Variants in DEPTOR observed in about 807,000 individuals in gnomAD.
DEPTOR encodes the protein DEP domain containing MTOR interacting protein.
A neutral mutation model predicts 41.6 loss-of-function variants in DEPTOR; 41 were observed. The observed-to-expected ratio is 0.98, with a 90% CI of 0.77 to 1.28. DEPTOR has a LOEUF of 1.28. DEPTOR is among the 50% of genes most tolerant of loss of function. DEPTOR has a pLI of 0.00. For missense variants in DEPTOR, 514 were observed against 527.9 expected (o/e 0.97, Z 0.26); for synonymous variants, 195 against 192.3 (o/e 1.01, Z -0.12).
intron 1 of DEPTOR, among the ~76,000 whole-genome samples, chr8:119,921,295 A>G (rs1332686554): frequency 6.6e-6 from 1 of 152,154 alleles, no homozygotes; most frequent in African/African-American, 2.4e-5. Context: ...CATCATTTCT[A>G]TTAGTGTCCT....
chr8:120,013,235 G>A (rs1812559490), intron 8 of DEPTOR, among the ~76,000 whole-genome samples: 2 of 151,674 alleles, frequency 1.3e-5, no homozygotes, highest in South Asian at 4.2e-4. Context: ...ATTATGCAGT[G>A]CATGACTATA....
chr8:120,012,696 C>G (rs1444948407), intron 8 of DEPTOR, among the ~76,000 whole-genome samples: 1 of 152,012 alleles, frequency 6.6e-6, no homozygotes, highest in South Asian at 2.1e-4. Context: ...ACCACCATGC[C>G]CAGCTAATTT....
Position 120,001,607 on chromosome 8 carries a change from G to A in DEPTOR, c.687G>A (p.Glu229=). Reference sequence around the variant, plus strand: ...TCCGGCGGAGGCGAAGACTGATGGAGCTGCTCAATGAAAAGTCCCCCTCCT... The same window carrying A: ...TCCGGCGGAGGCGAAGACTGATGGAACTGCTCAATGAAAAGTCCCCCTCCT... The part of the protein sequence containing the change: ...MNFRRRRRLM[E]LLNEKSPSSQ... Residue 229 remains glutamate (E), a synonymous_variant, in exon 5 of 9, where the codon GAG becomes GAA. Transcript: ENST00000286234. The A allele has an allele frequency of 1.9e-6, 3 of 1,614,042 alleles. No individual in the cohort carries two copies. The highest frequency in any genetic ancestry group is 1.7e-4 in the Middle Eastern group (1 of 6,060).
At chr8:119,983,365 C>T (rs994590874) in intron 4 of DEPTOR, among the ~76,000 whole-genome samples, 11 of 152,000 alleles carry the variant, frequency 7.2e-5, no homozygotes, top group Admixed American at 4.6e-4. Flanking sequence ...TGTAGCACCA[C>T]GCCCAGCTAA....
At chr8:119,877,552 C>G (rs759019991) in intron 1 of DEPTOR, among the ~76,000 whole-genome samples, 2 of 152,214 alleles carry the variant, frequency 1.3e-5, no homozygotes, top group Non-Finnish European at 2.9e-5. Flanking sequence ...CTCAGTTCCC[C>G]TCTGCTTTCT....
chr8:119,898,168 C>A (rs534157110), intron 1 of DEPTOR, among the ~76,000 whole-genome samples: 1 of 152,262 alleles, frequency 6.6e-6, no homozygotes, highest in African/African-American at 2.4e-5. Flanking sequence ...TAAGTAGTTG[C>A]AACAGAAATT....
chr8:119,894,015 C>G (rs192921376), intron 1 of DEPTOR, among the ~76,000 whole-genome samples: 7 of 152,244 alleles, frequency 4.6e-5, no homozygotes, highest in African/African-American at 1.7e-4. Context: ...GAAATCATTG[C>G]AATCTTTATT....
chr8:119,915,945 T>TAAAAAAAAAAAAAAAAAAAAA (rs201870960), intron 1 of DEPTOR, among the ~76,000 whole-genome samples: 1 of 126,654 alleles, frequency 7.9e-6, no homozygotes, highest in Non-Finnish European at 1.6e-5. Flanking sequence ...CTTCATTTGT[T>TAAAAAAAAAAAAAAAAAAAAA]AAAAAAAAAA....
At chr8:120,023,892 CT>C (rs1812759935) in intron 8 of DEPTOR, among the ~76,000 whole-genome samples, 1 of 151,110 alleles carries the variant, frequency 6.6e-6, no homozygotes, top group Admixed American at 6.6e-5. Flanking sequence ...GGTTTGCATT[CT>C]AGCCACCCAG....
At chr8:119,975,871 T>C (rs907601048) in intron 4 of DEPTOR, among the ~76,000 whole-genome samples, 1 of 7,572 alleles carries the variant, frequency 1.3e-4, no homozygotes, top group African/African-American at 5.3e-4. Context: ...TGCTTGCTCC[T>C]TTTTTTTTTT....
intron 8 of DEPTOR, among the ~76,000 whole-genome samples, chr8:120,026,327 G>A (rs1028791760): frequency 2.0e-5 from 3 of 151,324 alleles, no homozygotes; most frequent in Non-Finnish European, 2.9e-5. Flanking sequence ...TTTAAGGGGG[G>A]CAGAGAACTC....
At chr8:119,900,823 G>T (rs1184050156) in intron 1 of DEPTOR, among the ~76,000 whole-genome samples, 2 of 152,024 alleles carry the variant, frequency 1.3e-5, no homozygotes, top group Non-Finnish European at 1.5e-5. Flanking sequence ...ATTTGTATGA[G>T]CTCTAATACC....
intron 3 of DEPTOR, among the ~76,000 whole-genome samples, chr8:119,950,920 A>G (rs1285801616): frequency 6.6e-6 from 1 of 151,996 alleles, no homozygotes; most frequent in South Asian, 2.1e-4. Flanking sequence ...TCTTTTAAAT[A>G]TATTTGGCAT....
At chr8:120,024,193 C>T (rs912702856) in intron 8 of DEPTOR, among the ~76,000 whole-genome samples, 32 of 152,056 alleles carry the variant, frequency 2.1e-4, no homozygotes, top group African/African-American at 5.8e-4. Context: ...GCCGAGATTG[C>T]GCCACAGCAC....
intron 1 of DEPTOR, among the ~76,000 whole-genome samples, chr8:119,920,620 A>G (rs558262149): frequency 6.6e-6 from 1 of 152,320 alleles, no homozygotes; most frequent in South Asian, 2.1e-4. Context: ...TCAGAGTACA[A>G]AGCAGGAATG....
chr8:119,949,784 A>G lies in DEPTOR; in HGVS notation c.426-15448A>G, dbSNP rs545867328. ...AACCTCCACCTCCCGGGTTCAAGCA[A>G]TTCTCCTGCCTCAGCCTCCTGAGTA... On this transcript the variant is annotated intron_variant, in intron 3 of 8. Transcript: ENST00000286234. 2.6e-5 allele frequency among the ~76,000 whole-genome samples: 4 copies of G among 152,176 alleles called. No homozygotes were observed. In the South Asian group the frequency reaches 8.3e-4, roughly 32 times the overall value.
rs546254700 is a variant in DEPTOR at position 120,007,395 on chromosome 8, G to A, written c.996+520G>A. Among the ~76,000 whole-genome samples, 12 of 152,180 alleles carry A rather than the reference G, an allele frequency of 7.9e-5. No homozygotes were observed. The East Asian group carries it at 1.7e-3, about 22-fold the overall frequency. On this transcript the variant is annotated intron_variant, in intron 7 of 8. Transcript: ENST00000286234. ...TTTTCTACCGTAGGCAGGGTGCTTC[G>A]ACAATGTGTGCATGCCTTGAGGTAC...
At chr8:119,932,261 A>G (rs1434646539) in intron 3 of DEPTOR, among the ~76,000 whole-genome samples, 1 of 152,138 alleles carries the variant, frequency 6.6e-6, no homozygotes, top group Non-Finnish European at 1.5e-5. Context: ...CTGGGACTAC[A>G]GCCATGAGCT....
intron 8 of DEPTOR, among the ~76,000 whole-genome samples, chr8:120,034,264 T>TACACACACAC (rs71571645): frequency 0.063 from 9,078 of 145,238 alleles, 361 homozygotes; most frequent in Non-Finnish European, 0.073. Flanking sequence ...GCAAAGCATG[T>TACACACACAC]ACACACACAC....
Sources: gnomAD v4.1 joint callset for allele counts (sites outside exome capture counted in the v4.1 genomes callset) on GRCh38, gnomAD v4.1.1 for gene constraint, MANE v1.5 for transcripts, NCBI Gene and HGNC (gene_info 2026-07-23, HGNC 2026-07-21) for gene names.